Variants in TNS3 observed in about 807,000 individuals in gnomAD.
TNS3 encodes tensin 3, also known as tensin-3.
A neutral mutation model predicts 140.9 loss-of-function variants in TNS3; 45 were observed. The ratio of observed to expected loss-of-function variants is 0.32; its 90% CI spans 0.25 to 0.41. TNS3 has a LOEUF of 0.41. Ranked by LOEUF, TNS3 falls within the 10% of genes least tolerant of loss-of-function variation. TNS3 has a pLI of 1.00. For missense variants in TNS3, 1,716 were observed against 1,906.7 expected, an observed-to-expected ratio of 0.90 and a Z score of 1.86; for synonymous variants, 815 against 788.4, an observed-to-expected ratio of 1.03 and a Z score of -0.56.
At chr7:47,533,428 C>T (rs1799486980) in intron 1 of TNS3, among the ~76,000 whole-genome samples, 1 of 123,770 alleles carries the variant, frequency 8.1e-6, no homozygotes, top group Non-Finnish European at 1.8e-5. Context: ...CCGCACCTGG[C>T]CTTTTTTTTT....
At chr7:47,423,992 T>G in intron 10 of TNS3, 109 bp downstream of exon 10, 1 of 1,105,116 alleles carries the variant, frequency 9.0e-7, no homozygotes, top group Admixed American at 2.0e-5. Context: ...GACCCAAGAA[T>G]ACTATTCATT....
intron 30 of TNS3, chr7:47,279,584 C>T (rs1370545879): frequency 6.4e-6 from 1 of 155,924 alleles, no homozygotes; most frequent in Non-Finnish European, 1.4e-5. Context: ...CGCCTGTAAT[C>T]CCAGCTATTT....
At chr7:47,312,833 G>A (rs946485941) in intron 20 of TNS3, among the ~76,000 whole-genome samples, 1 of 152,104 alleles carries the variant, frequency 6.6e-6, no homozygotes, top group African/African-American at 2.4e-5. Flanking sequence ...GTACACATGT[G>A]TAACCTGCAC....
chr7:47,538,303 T>C (rs564901989), intron 1 of TNS3, among the ~76,000 whole-genome samples: 7 of 152,212 alleles, frequency 4.6e-5, no homozygotes, highest in African/African-American at 1.7e-4. Flanking sequence ...ATGTTCAAGA[T>C]GAAGCCACTG....
intron 20 of TNS3, among the ~76,000 whole-genome samples, chr7:47,335,530 C>T (rs1788583757): frequency 6.6e-6 from 1 of 152,216 alleles, no homozygotes; most frequent in Non-Finnish European, 1.5e-5. Context: ...ACACTGGGCA[C>T]AAGCACATCT....
rs748399321 is a variant in TNS3 at position 47,410,982 on chromosome 7, A to G, written c.723+745T>C. On this transcript the variant is annotated intron_variant, in intron 13 of 30. Coordinates refer to ENST00000311160, the MANE Select transcript of TNS3 (RefSeq NM_022748.12). ...AGAATCAAAATTATCTGGAGAAATCATTGTTTTGATCATTAATCAAGCTGT... is the reference window on the plus strand; with the variant it reads ...AGAATCAAAATTATCTGGAGAAATCGTTGTTTTGATCATTAATCAAGCTGT... 8.5e-5 allele frequency among the ~76,000 whole-genome samples: 13 copies of G among 152,326 alleles called. No individual in the cohort carries two copies. In the South Asian group the frequency reaches 1.5e-3, roughly 17 times the overall value.
intron 1 of TNS3, among the ~76,000 whole-genome samples, chr7:47,538,238 A>C (rs1184689216): frequency 1.3e-5 from 2 of 152,100 alleles, no homozygotes; most frequent in Non-Finnish European, 2.9e-5. Context: ...TTCCCGGGGC[A>C]GTGGATCTTG....
chr7:47,504,276 G>A (rs1408361694), intron 3 of TNS3, among the ~76,000 whole-genome samples: 4 of 152,172 alleles, frequency 2.6e-5, no homozygotes, highest in African/African-American at 7.2e-5. Flanking sequence ...CTGCTGTCTC[G>A]GTCCCCATTT....
chr7:47,389,690 G>A (rs1461572334), intron 16 of TNS3, among the ~76,000 whole-genome samples: 2 of 152,210 alleles, frequency 1.3e-5, no homozygotes, highest in Non-Finnish European at 2.9e-5. Flanking sequence ...TACGCCTCTC[G>A]CACTTGAGAC....
chr7:47,433,887 C>A (rs1433415453), intron 8 of TNS3, among the ~76,000 whole-genome samples: 2 of 2,018 alleles, frequency 9.9e-4, no homozygotes, highest in Admixed American at 0.023. Context: ...CTGTCTATCT[C>A]TCTCTCTCTC....
chr7:47,303,805 C>T (rs1786573967), intron 21 of TNS3, among the ~76,000 whole-genome samples: 1 of 152,198 alleles, frequency 6.6e-6, no homozygotes, highest in South Asian at 2.1e-4. Context: ...TGCTGCAGCC[C>T]GCATGAGGGC....
At chr7:47,492,391 G>A (rs1235619511) in intron 3 of TNS3, among the ~76,000 whole-genome samples, 1 of 152,240 alleles carries the variant, frequency 6.6e-6, no homozygotes, top group Non-Finnish European at 1.5e-5. Context: ...GGCACTGTCA[G>A]CTCCCCACAC....
rs114041881 is a variant in TNS3 at position 47,434,036 on chromosome 7, G to A, written c.324+1246C>T. Reference sequence around the variant, plus strand: ...TCCTAATGGGTGTACCTGTCCATTTGGGGGGAAAATATGATCAAGTTAGAT... The same window carrying A: ...TCCTAATGGGTGTACCTGTCCATTTAGGGGGAAAATATGATCAAGTTAGAT... On this transcript the variant is annotated intron_variant, in intron 8 of 30. Transcript: ENST00000311160. Among the ~76,000 whole-genome samples, 691 of 152,044 alleles carry A rather than the reference G, an allele frequency of 4.5e-3. 4 individuals carry two copies. The highest frequency in any genetic ancestry group is 0.016 in the African/African-American group (648 of 41,472).
intron 13 of TNS3, among the ~76,000 whole-genome samples, chr7:47,403,877 G>T (rs1187898485): frequency 6.6e-6 from 1 of 152,200 alleles, no homozygotes; most frequent in African/African-American, 2.4e-5. Context: ...ATACTTAACA[G>T]AAAGAACAAT....
chr7:47,471,359 C>T (rs1796944792), intron 4 of TNS3, among the ~76,000 whole-genome samples: 1 of 152,188 alleles, frequency 6.6e-6, no homozygotes, highest in South Asian at 2.1e-4. Flanking sequence ...GTAACCATCT[C>T]ACCGTCTCGT....
chr7:47,488,494 T>C (rs1584760106), intron 3 of TNS3, among the ~76,000 whole-genome samples: 1 of 152,192 alleles, frequency 6.6e-6, no homozygotes, highest in East Asian at 1.9e-4. Context: ...GGCCACCTTC[T>C]CCCCGTGTCC....
chr7:47,340,576 C>CTTTTTTTTTCTTTT (rs1554297310), intron 20 of TNS3, among the ~76,000 whole-genome samples: 1 of 130,174 alleles, frequency 7.7e-6, no homozygotes, highest in Non-Finnish European at 1.6e-5. Flanking sequence ...CTGGGATTTT[C>CTTTTTTTTTCTTTT]TTTTTTTTCT....
At chr7:47,485,993 T>G (rs112605778) in intron 3 of TNS3, among the ~76,000 whole-genome samples, 1 of 151,344 alleles carries the variant, frequency 6.6e-6, no homozygotes, top group South Asian at 2.1e-4. Flanking sequence ...AGTGTGGGTG[T>G]GTGAGTGTGG....
chr7:47,475,174 CAG>C (rs1043295966), intron 4 of TNS3, among the ~76,000 whole-genome samples: 1 of 152,228 alleles, frequency 6.6e-6, no homozygotes, highest in African/African-American at 2.4e-5. Context: ...ATCTTGCACA[CAG>C]AGCTGTGCAA....
Sources: allele counts gnomAD v4.1 joint callset (sites outside exome capture counted in the v4.1 genomes callset), GRCh38; gene constraint gnomAD v4.1.1; transcripts MANE v1.5; gene names NCBI Gene and HGNC (gene_info 2026-07-23, HGNC 2026-07-21).